NELL1: variants seen among roughly 807,000 people sequenced by gnomAD.
The protein encoded by NELL1 is neural EGFL like 1.
A neutral mutation model predicts 107.4 loss-of-function variants in NELL1; 76 were observed. The observed-to-expected ratio is 0.71, with a 90% confidence interval of 0.59 to 0.86. The LOEUF (loss-of-function observed/expected upper bound fraction) is 0.86, where lower values mean the gene tolerates loss of function less well. Among genes scored for constraint, NELL1 ranks in the 40% least tolerant of loss-of-function variants. The probability of loss-of-function intolerance (pLI) is 0.00; values close to 1 mark genes in which losing one functional copy is unlikely to be tolerated. For synonymous variants in NELL1, 353 were observed against 341.2 expected (o/e 1.03, Z -0.38); for missense variants, 1,024 against 1,005.5 (o/e 1.02, Z -0.25).
At chr11:21,073,367 C>T (rs926648714) in intron 12 of NELL1, among the ~76,000 whole-genome samples, 4 of 152,242 alleles carry the variant, frequency 2.6e-5, no homozygotes, top group African/African-American at 9.6e-5. Context: ...TACAGGTATA[C>T]ACCAATTTTG....
intron 5 of NELL1, among the ~76,000 whole-genome samples, chr11:20,911,701 G>T (rs1348822021): frequency 6.6e-6 from 1 of 152,178 alleles, no homozygotes; most frequent in Non-Finnish European, 1.5e-5. Context: ...TTCCTAGAGA[G>T]CAAGGCGGTT....
intron 13 of NELL1, among the ~76,000 whole-genome samples, chr11:21,147,541 A>T (rs1222741900): frequency 6.6e-6 from 1 of 152,070 alleles, no homozygotes; most frequent in Admixed American, 6.6e-5. Context: ...ATACCTTTGT[A>T]TGAGATATAG....
rs72029062 is a variant in NELL1, at chr11:21,161,000, T to TACACACAC, written c.1426+47322_1426+47329dup. On this transcript the variant is annotated intron_variant, in intron 13 of 19. Coordinates refer to ENST00000357134, the MANE Select transcript of NELL1 (RefSeq NM_006157.5). Reference sequence around the variant, plus strand: ...GGTTTTAACCTCTTGCTAGCCTTTATACACACACACACACACACACACACA... The same window carrying TACACACAC: ...GGTTTTAACCTCTTGCTAGCCTTTATACACACACACACACACACACACACACACACACA... Among the ~76,000 whole-genome samples the TACACACAC allele has an allele frequency of 4.3e-3, 609 of 143,236 alleles. 3 individuals carry two copies. Among genetic ancestry groups the TACACACAC allele is most frequent in the Middle Eastern group, 0.011 (3 of 280 alleles). The allele number at this position is 143,236 out of a possible 152,430, so 94.0% of individuals were successfully genotyped here.
At chr11:20,672,318 G>T (rs969089333) in intron 1 of NELL1, among the ~76,000 whole-genome samples, 2 of 152,180 alleles carry the variant, frequency 1.3e-5, no homozygotes, top group Non-Finnish European at 2.9e-5. Context: ...ATTGTTGTCT[G>T]GGCTGTTAAC....
intron 2 of NELL1, among the ~76,000 whole-genome samples, chr11:20,776,283 A>C (rs1856748086): frequency 6.6e-6 from 1 of 152,036 alleles, no homozygotes; most frequent in South Asian, 2.1e-4. Context: ...TACCAAAAAT[A>C]CAAAAATTAG....
At chr11:21,188,458 C>G (rs974824378) in intron 13 of NELL1, among the ~76,000 whole-genome samples, 5 of 146,972 alleles carry the variant, frequency 3.4e-5, no homozygotes, top group Admixed American at 2.1e-4. Context: ...CCAGCTTGGA[C>G]ATGTAAAGAC....
intron 15 of NELL1, among the ~76,000 whole-genome samples, chr11:21,457,446 T>C (rs888790491): frequency 6.6e-6 from 1 of 152,194 alleles, no homozygotes; most frequent in African/African-American, 2.4e-5. Flanking sequence ...TGTGAGATTT[T>C]ATTGACTGTT....
chr11:21,379,534 T>C (rs977070468), intron 15 of NELL1, among the ~76,000 whole-genome samples: 5 of 152,062 alleles, frequency 3.3e-5, no homozygotes, highest in Non-Finnish European at 4.4e-5. Flanking sequence ...TAATTTTGAG[T>C]GATTTTCTCC....
chr11:21,063,992 C>A (rs1466377830), intron 12 of NELL1, among the ~76,000 whole-genome samples: 1 of 150,468 alleles, frequency 6.6e-6, no homozygotes, highest in Non-Finnish European at 1.5e-5. Context: ...GAGAGTGGCA[C>A]TGAAGCAAAG....
Position 21,267,474 on chromosome 11 carries a change from A to T in NELL1, c.1549+38020A>T, listed in dbSNP as rs150867095. On this transcript the variant is annotated intron_variant, in intron 14 of 19. Coordinates refer to ENST00000357134, the MANE Select transcript of NELL1 (RefSeq NM_006157.5). ...ATGTTTTAAGATAATTAAATATGTGATTTTACTGATCCTTTGGTAGTAAAA... is the reference window on the plus strand; with the variant it reads ...ATGTTTTAAGATAATTAAATATGTGTTTTTACTGATCCTTTGGTAGTAAAA... 4.8e-3 allele frequency among the ~76,000 whole-genome samples: 737 copies of T among 152,162 alleles called. 7 individuals carry two copies. The highest frequency in any genetic ancestry group is 0.017 in the African/African-American group (705 of 41,534).
intron 4 of NELL1, among the ~76,000 whole-genome samples, chr11:20,873,057 G>A (rs1414369594): frequency 6.6e-6 from 1 of 152,222 alleles, no homozygotes; most frequent in East Asian, 1.9e-4. Context: ...TATTATCACT[G>A]GAAACTAACA....
intron 18 of NELL1, among the ~76,000 whole-genome samples, chr11:21,572,231 A>G (rs1320740855): frequency 6.6e-6 from 1 of 151,878 alleles, no homozygotes; most frequent in Non-Finnish European, 1.5e-5. Context: ...AAATTTTCAT[A>G]GATAGAATTT....
intron 13 of NELL1, among the ~76,000 whole-genome samples, chr11:21,129,010 G>A (rs949212149): frequency 6.6e-6 from 1 of 152,108 alleles, no homozygotes; most frequent in Non-Finnish European, 1.5e-5. Context: ...CTGGAGTTCT[G>A]AATTTATTCA....
intron 13 of NELL1, among the ~76,000 whole-genome samples, chr11:21,121,817 G>A (rs1855374306): frequency 1.3e-5 from 2 of 151,916 alleles, no homozygotes; most frequent in Non-Finnish European, 1.5e-5. Flanking sequence ...CTCTAAAGAG[G>A]GATTATAGTA....
intron 4 of NELL1, among the ~76,000 whole-genome samples, chr11:20,867,605 G>A (rs982021216): frequency 6.6e-6 from 1 of 152,160 alleles, no homozygotes; most frequent in African/African-American, 2.4e-5. Flanking sequence ...TGATCTCTGG[G>A]TATCCTCAAA....
intron 3 of NELL1, among the ~76,000 whole-genome samples, chr11:20,803,352 A>G (rs747115704): frequency 2.0e-5 from 3 of 152,166 alleles, no homozygotes; most frequent in Non-Finnish European, 4.4e-5. Flanking sequence ...TTATTGGCAT[A>G]TAGCAGCCTC....
At position 20,783,847 on chromosome 11, in the gene NELL1, T is replaced by G. The variant is rs1329536531; in HGVS notation, c.335+17T>G. 1.4e-5 allele frequency: 23 copies of G among 1,598,152 alleles called. No individual in the cohort carries two copies. Among genetic ancestry groups the G allele is most frequent in the Non-Finnish European group, 2.0e-5 (23 of 1,172,252 alleles). The stretch of plus-strand genomic sequence containing the variant: ...GGAGCACAGGTAAGAAAGCTCTTTC[T>G]GCTTTTGAAAATCTCCTTAGAGTTA... On this transcript the variant is annotated intron_variant, in intron 3 of 19. Transcript: ENST00000357134.
At chr11:20,795,751 G>C (rs1159250752) in intron 3 of NELL1, among the ~76,000 whole-genome samples, 3 of 152,034 alleles carry the variant, frequency 2.0e-5, no homozygotes, top group African/African-American at 7.2e-5. Context: ...AGATGAAGAA[G>C]ACATTTTTGG....
chr11:20,707,471 C>A (rs564432664), intron 2 of NELL1, among the ~76,000 whole-genome samples: 1 of 152,202 alleles, frequency 6.6e-6, no homozygotes, highest in South Asian at 2.1e-4. Flanking sequence ...TTCAGCTTTC[C>A]TTCTCTGGTT....
Sources: allele counts gnomAD v4.1 joint callset (sites outside exome capture counted in the v4.1 genomes callset), GRCh38; gene constraint gnomAD v4.1.1; transcripts MANE v1.5; gene names NCBI Gene and HGNC (gene_info 2026-07-23, HGNC 2026-07-21).